EPM2A: variants seen among roughly 807,000 people sequenced by gnomAD.
EPM2A encodes laforin.
EPM2A carries 21 observed loss-of-function variants against 26.5 expected under a neutral mutation model. That is an observed-to-expected ratio of 0.79 (90% CI 0.56 to 1.14). EPM2A has a LOEUF of 1.14. EPM2A is among the 50% of genes most tolerant of loss of function. The pLI, the probability that EPM2A is intolerant of heterozygous loss-of-function variation, is 0.00. For synonymous variants in EPM2A, 217 were observed against 177.6 expected (o/e 1.22, Z -1.76); for missense variants, 458 against 440.8 (o/e 1.04, Z -0.35).
intron 4 of EPM2A, among the ~76,000 whole-genome samples, chr6:145,477,761 G>A (rs957650378): frequency 1.3e-5 from 2 of 151,634 alleles, no homozygotes; most frequent in Admixed American, 6.6e-5. Flanking sequence ...CAACAAACTG[G>A]GTATAGAAGG....
intron 3 of EPM2A, chr6:145,631,900 C>T (rs1379182543): frequency 6.6e-6 from 1 of 151,146 alleles, no homozygotes; most frequent in Non-Finnish European, 1.5e-5. Context: ...CACACACACA[C>T]ACTTTCCTTT....
intron 4 of EPM2A, among the ~76,000 whole-genome samples, chr6:145,464,988 G>A (rs912569811): frequency 3.3e-5 from 5 of 151,924 alleles, no homozygotes; most frequent in African/African-American, 7.3e-5. Context: ...TCTTTGTGGC[G>A]TTCTCTGTAT....
chr6:145,503,678 T>G lies in EPM2A; in HGVS notation c.341-1103A>C, dbSNP rs1779928601. Reference sequence around the variant, plus strand: ...AAATGGTCATACTGCCCAAGGTAATTTACAGGTTCAATGCCATCCCCATCA... The same window carrying G: ...AAATGGTCATACTGCCCAAGGTAATGTACAGGTTCAATGCCATCCCCATCA... On this transcript the variant is annotated intron_variant, in intron 2 of 3. Transcript: ENST00000450221. 3.1e-5 allele frequency among the ~76,000 whole-genome samples: 3 copies of G among 97,488 alleles called. 1 individual carries two copies. The highest frequency in any genetic ancestry group is 3.0e-4 in the Admixed American group (3 of 9,934). The allele number at this position is 97,488 out of a possible 152,430, so 64.0% of individuals were successfully genotyped here. A position where few individuals can be genotyped will look rare whatever the true frequency, so the allele number is the denominator to read the frequency against.
At chr6:145,533,836 C>T (rs1303275495) in intron 2 of EPM2A, among the ~76,000 whole-genome samples, 1 of 152,012 alleles carries the variant, frequency 6.6e-6, no homozygotes, top group East Asian at 1.9e-4. Context: ...ATGATATTTG[C>T]ATGCTTGTTT....
chr6:145,595,958 C>G (rs1399166133), intron 2 of EPM2A, among the ~76,000 whole-genome samples: 1 of 152,134 alleles, frequency 6.6e-6, no homozygotes, highest in Non-Finnish European at 1.5e-5. Flanking sequence ...CTGCTGATTT[C>G]TGGCCTCCAG....
chr6:145,485,444 T>C (rs555633965), intron 4 of EPM2A, among the ~76,000 whole-genome samples: 53 of 152,080 alleles, frequency 3.5e-4, no homozygotes, highest in Non-Finnish European at 7.4e-4. Flanking sequence ...CAGAAACTCT[T>C]GGCCTTTACT....
chr6:145,672,219 A>G (rs1198331745), intron 2 of EPM2A, among the ~76,000 whole-genome samples: 1 of 152,198 alleles, frequency 6.6e-6, no homozygotes, highest in African/African-American at 2.4e-5. Context: ...CAAGTTTTAT[A>G]TTTTATTTCA....
chr6:145,699,927 T>G (rs1270073406), intron 1 of EPM2A, among the ~76,000 whole-genome samples: 1 of 152,190 alleles, frequency 6.6e-6, no homozygotes, highest in Non-Finnish European at 1.5e-5. Flanking sequence ...CAGACAATTA[T>G]GCTTTCATTT....
chr6:145,447,948 A>G (rs6570685), intron 4 of EPM2A, among the ~76,000 whole-genome samples: 118,231 of 151,982 alleles, frequency 0.78, 46,242 homozygotes, highest in East Asian at 0.9. Flanking sequence ...CTCAAAAGAC[A>G]TCAAACTGGT....
chr6:145,572,280 T>G (rs1780968727), intron 2 of EPM2A, among the ~76,000 whole-genome samples: 1 of 152,218 alleles, frequency 6.6e-6, no homozygotes, highest in Non-Finnish European at 1.5e-5. Flanking sequence ...TCTCTTCTTC[T>G]GTCAAATGAT....
At chr6:145,462,160 G>A (rs1395522414) in intron 4 of EPM2A, among the ~76,000 whole-genome samples, 2 of 152,110 alleles carry the variant, frequency 1.3e-5, no homozygotes, top group South Asian at 2.1e-4. Flanking sequence ...ATAAATTTAT[G>A]TTTACTAACA....
chr6:145,468,690 A>T (rs573348448), intron 4 of EPM2A, among the ~76,000 whole-genome samples: 1 of 152,088 alleles, frequency 6.6e-6, no homozygotes, highest in African/African-American at 2.4e-5. Context: ...AAAATAAAAC[A>T]TTGGGGAACC....
chr6:145,704,597 C>T (rs1269641591), intron 1 of EPM2A, among the ~76,000 whole-genome samples: 1 of 152,168 alleles, frequency 6.6e-6, no homozygotes, highest in Non-Finnish European at 1.5e-5. Context: ...TATACTTATA[C>T]AGCAAAGCAA....
At chr6:145,705,613 T>A (rs751248988) in intron 1 of EPM2A, 1 of 455,076 alleles carries the variant, frequency 2.2e-6, no homozygotes, top group South Asian at 1.6e-5. Flanking sequence ...TTAGAGTTCA[T>A]TATAGATTGG....
intron 2 of EPM2A, among the ~76,000 whole-genome samples, chr6:145,535,032 C>G (rs568108904): frequency 6.6e-6 from 1 of 152,310 alleles, no homozygotes; most frequent in South Asian, 2.1e-4. Context: ...TATGATCGCT[C>G]TTCATCTTTT....
At chr6:145,506,801 G>T (rs1057066248) in intron 2 of EPM2A, among the ~76,000 whole-genome samples, 4 of 152,192 alleles carry the variant, frequency 2.6e-5, no homozygotes, top group Admixed American at 2.6e-4. Context: ...AGCCAAGGAG[G>T]CCACACTGAC....
intron 2 of EPM2A, chr6:145,640,134 C>T (rs1430934871): frequency 2.0e-5 from 3 of 152,192 alleles, no homozygotes; most frequent in Non-Finnish European, 4.4e-5. Flanking sequence ...GCTACTGAAG[C>T]GTATGAATCA....
downstream of EPM2A, among the ~76,000 whole-genome samples, chr6:145,498,092 G>T (rs1562358865): frequency 6.6e-6 from 1 of 152,202 alleles, no homozygotes; most frequent in Non-Finnish European, 1.5e-5. Flanking sequence ...GAGCAGCTGT[G>T]CTGTGCTGGG....
At chr6:145,558,619 G>T (rs139832576) in intron 2 of EPM2A, among the ~76,000 whole-genome samples, 4 of 151,892 alleles carry the variant, frequency 2.6e-5, no homozygotes, top group Non-Finnish European at 5.9e-5. Flanking sequence ...GTTTTGATTT[G>T]CATTTCTCTG....
Sources: allele counts gnomAD v4.1 joint callset (sites outside exome capture counted in the v4.1 genomes callset), GRCh38; gene constraint gnomAD v4.1.1; transcripts MANE v1.5; gene names NCBI Gene and HGNC (gene_info 2026-07-23, HGNC 2026-07-21).